The following WDR82 variants were observed in gnomAD, a reference collection of about 807,000 sequenced individuals.
WDR82 encodes the protein WD repeat-containing protein 82.
Under a neutral mutation model 36.1 loss-of-function variants are expected in WDR82, and 8 were observed. That is an observed-to-expected ratio of 0.22 (90% CI 0.13 to 0.40). The LOEUF (loss-of-function observed/expected upper bound fraction) is 0.40, where lower values mean the gene tolerates loss of function less well. Among genes scored for constraint, WDR82 ranks in the 10% least tolerant of loss-of-function variants. The pLI is 1.00. For missense variants in WDR82, 185 were observed against 400.5 expected (o/e 0.46, Z 4.59); for synonymous variants, 129 against 137.8 (o/e 0.94, Z 0.45).
chr3:52,269,436 T>C (rs779746497), intron 2 of WDR82, among the ~76,000 whole-genome samples: 2 of 151,546 alleles, frequency 1.3e-5, no homozygotes, highest in African/African-American at 2.4e-5. Context: ...GATTGCACCA[T>C]TGCACTCCAG....
At chr3:52,259,113 T>C (rs1325154893) in intron 7 of WDR82, 84 bp downstream of exon 7, 3 of 1,307,640 alleles carry the variant, frequency 2.3e-6, no homozygotes, top group Non-Finnish European at 3.3e-6. Flanking sequence ...ATCAAATAGA[T>C]AATAATGTCT....
chr3:52,258,430 T>C, intron 8 of WDR82, 106 bp downstream of exon 8: 1 of 1,296,740 alleles, frequency 7.7e-7, no homozygotes, highest in East Asian at 2.3e-5. Flanking sequence ...ACTTGGATGC[T>C]TGTAATGTAC....
intron 8 of WDR82, 147 bp from the exon 9 acceptor site, chr3:52,257,666 A>G (rs1700025233): frequency 1.2e-6 from 1 of 801,432 alleles, no homozygotes; most frequent in Non-Finnish European, 2.1e-6. Context: ...CGATGCTCTA[A>G]GGAGACAGAA....
rs142480344 is a variant in WDR82, at chr3:52,265,231, C to T, written c.326+1721G>A. On this transcript the variant is annotated intron_variant, in intron 3 of 8. Coordinates refer to ENST00000296490, the MANE Select transcript of WDR82 (RefSeq NM_025222.4). ...AGGAGAATGGCGTGAACCCAAGAGGCGGAGCCTGCAGTGAGCCAACATTGC... is the reference window on the plus strand; with the variant it reads ...AGGAGAATGGCGTGAACCCAAGAGGTGGAGCCTGCAGTGAGCCAACATTGC... 2.6e-3 allele frequency among the ~76,000 whole-genome samples: 342 copies of T among 133,768 alleles called. 1 individual carries two copies. The highest frequency in any genetic ancestry group is 8.8e-3 in the African/African-American group (323 of 36,706). The allele number at this position is 133,768 out of a possible 152,430, so 87.8% of individuals were successfully genotyped here.
intron 1 of WDR82, among the ~76,000 whole-genome samples, chr3:52,275,632 T>A (rs1395074198): frequency 1.2e-4 from 19 of 152,186 alleles, no homozygotes; most frequent in Non-Finnish European, 1.5e-4. Context: ...ATGCCTGGAA[T>A]CCCAGCACTT....
rs969611787 is a variant in WDR82, at chr3:52,275,821, T to C, written c.161+2380A>G. On this transcript the variant is annotated intron_variant, in intron 1 of 8. Coordinates refer to ENST00000296490, the MANE Select transcript of WDR82 (RefSeq NM_025222.4). ...ATCGCTTGAACCCAGGAGCCGGAGG[T>C]TGCAGTGAGCCAAGATCACGCCACT... Among the ~76,000 whole-genome samples the C allele has an allele frequency of 2.6e-5, 4 of 152,008 alleles. No individual in the cohort carries two copies. In the East Asian group the frequency reaches 7.7e-4, roughly 29 times the overall value.
chr3:52,269,282 C>T (rs1700132472), intron 2 of WDR82, among the ~76,000 whole-genome samples: 2 of 151,890 alleles, frequency 1.3e-5, no homozygotes, highest in Admixed American at 1.3e-4. Context: ...CGAGACCAGC[C>T]TGACTAACAT....
intron 2 of WDR82, 128 bp from the exon 3 acceptor site, chr3:52,267,146 A>G: frequency 1.6e-6 from 1 of 636,978 alleles, no homozygotes; most frequent in South Asian, 1.7e-5. Context: ...GCATGAATAA[A>G]TAATGGTGAA....
chr3:52,270,302 T>G (rs1302375930), intron 2 of WDR82, among the ~76,000 whole-genome samples: 4 of 152,166 alleles, frequency 2.6e-5, no homozygotes, highest in African/African-American at 9.7e-5. Flanking sequence ...GTATTTTTAG[T>G]AGAGACAAGG....
chr3:52,270,923 G>C, intron 1 of WDR82, 114 bp from the exon 2 acceptor site: 1 of 679,268 alleles, frequency 1.5e-6, no homozygotes, highest in South Asian at 2.9e-5. Context: ...TTTTTGGTAA[G>C]TTCTAACACT....
rs1700004403 is a variant in WDR82 at position 52,256,078 on chromosome 3, A to C, written c.*1412T>G. On this transcript the variant is annotated 3_prime_UTR_variant, in exon 9 of 9. Transcript: ENST00000296490. ...CACACACAGGCACAGACAGAGTACC[A>C]CCAAGCAAAAAGGGGGCTAATACTG... 1 of 153,766 alleles carries C rather than the reference A, an allele frequency of 6.5e-6. No homozygotes were observed. The highest frequency in any genetic ancestry group is 1.5e-5 in the Non-Finnish European group (1 of 68,076). 9.5% of individuals were successfully genotyped at this position (153,766 alleles called of 1,614,324 possible).
At chr3:52,273,526 G>C (rs1356927917) in intron 1 of WDR82, among the ~76,000 whole-genome samples, 3 of 151,334 alleles carry the variant, frequency 2.0e-5, no homozygotes, top group Non-Finnish European at 4.4e-5. Flanking sequence ...ACTTAGATCT[G>C]GTCTATTTGT....
At chr3:52,261,927 A>G (rs1053138010) in intron 3 of WDR82, among the ~76,000 whole-genome samples, 4 of 152,226 alleles carry the variant, frequency 2.6e-5, no homozygotes, top group African/African-American at 9.7e-5. Flanking sequence ...ATAACTGAAA[A>G]TATATGTCCA....
At chr3:52,262,274 G>A (rs1262784032) in intron 3 of WDR82, among the ~76,000 whole-genome samples, 1 of 152,176 alleles carries the variant, frequency 6.6e-6, no homozygotes, top group Non-Finnish European at 1.5e-5. Flanking sequence ...TGGGTACAGA[G>A]TTTCTCTTTG....
intron 3 of WDR82, among the ~76,000 whole-genome samples, chr3:52,266,477 G>A (rs1005467353): frequency 5.3e-5 from 8 of 151,828 alleles, no homozygotes; most frequent in Non-Finnish European, 8.8e-5. Context: ...TCACTCTGTC[G>A]CCCAAGCTGG....
chr3:52,258,717 C>T (rs772826162), intron 7 of WDR82, 39 bp from the exon 8 acceptor site: 41 of 1,612,668 alleles, frequency 2.5e-5, no homozygotes, highest in African/African-American at 1.3e-4. Context: ...CAGCTCAAGG[C>T]GCAATACAAA....
intron 2 of WDR82, 198 bp from the exon 3 acceptor site, chr3:52,267,216 T>C: frequency 2.4e-6 from 1 of 409,606 alleles, no homozygotes; most frequent in South Asian, 2.5e-5. Context: ...AAAAGCAGAG[T>C]TCTTAAGTTG....
At chr3:52,275,057 A>T (rs1700191114) in intron 1 of WDR82, among the ~76,000 whole-genome samples, 1 of 152,072 alleles carries the variant, frequency 6.6e-6, no homozygotes, top group Non-Finnish European at 1.5e-5. Context: ...TCCCGCATCT[A>T]CTAAAAATAC....
intron 1 of WDR82, 136 bp downstream of exon 1, chr3:52,278,065 T>C: frequency 1.2e-6 from 1 of 821,444 alleles, no homozygotes; most frequent in East Asian, 3.3e-5. Flanking sequence ...GGCTGCGGGG[T>C]GGAGGCGGCC....
Sources: gnomAD v4.1 joint callset for allele counts (sites outside exome capture counted in the v4.1 genomes callset) on GRCh38, gnomAD v4.1.1 for gene constraint, MANE v1.5 for transcripts, NCBI Gene and HGNC (gene_info 2026-07-23, HGNC 2026-07-21) for gene names.